The following COL22A1 variants were observed in gnomAD, a reference collection of about 807,000 sequenced individuals.
COL22A1 encodes the protein collagen alpha-1(XXII) chain.
A neutral mutation model predicts 248.9 loss-of-function variants in COL22A1; 221 were observed. That is an observed-to-expected ratio of 0.89 (90% CI 0.80 to 0.99). The LOEUF (loss-of-function observed/expected upper bound fraction) is 0.99, where lower values mean the gene tolerates loss of function less well. Ranked by LOEUF, COL22A1 falls within the 50% of genes least tolerant of loss-of-function variation. COL22A1 has a pLI of 0.00. For synonymous variants in COL22A1, 891 were observed against 793.4 expected, an observed-to-expected ratio of 1.12 and a Z score of -2.07; for missense variants, 2,240 against 2,179.0, an observed-to-expected ratio of 1.03 and a Z score of -0.56.
chr8:138,687,593 C>A (rs1422382681), intron 37 of COL22A1, among the ~76,000 whole-genome samples: 1 of 152,242 alleles, frequency 6.6e-6, no homozygotes, highest in South Asian at 2.1e-4. Flanking sequence ...CTAGTGTGAT[C>A]TGCTCACGCA....
chr8:138,860,744 G>A (rs535526182), intron 3 of COL22A1, among the ~76,000 whole-genome samples: 1 of 152,228 alleles, frequency 6.6e-6, no homozygotes, highest in East Asian at 1.9e-4. Flanking sequence ...GGAGGTCAAA[G>A]CTGCAGTAAG....
chr8:138,823,773 C>CT (rs776344695), intron 6 of COL22A1, among the ~76,000 whole-genome samples: 1 of 152,158 alleles, frequency 6.6e-6, no homozygotes, highest in African/African-American at 2.4e-5. Context: ...TTTTGTTCAC[C>CT]TTTTTTGTCT....
intron 27 of COL22A1, among the ~76,000 whole-genome samples, chr8:138,720,460 A>G (rs1418423141): frequency 1.3e-5 from 2 of 151,904 alleles, no homozygotes; most frequent in Non-Finnish European, 2.9e-5. Context: ...CGTGGGGGAT[A>G]GTGCCTTCTT....
At chr8:138,595,015 C>T (rs1374387722) in intron 62 of COL22A1, among the ~76,000 whole-genome samples, 3 of 152,112 alleles carry the variant, frequency 2.0e-5, no homozygotes, top group African/African-American at 7.2e-5. Context: ...CATCTGGTGG[C>T]CACCAAGGGC....
chr8:138,833,139 T>C lies in COL22A1; in HGVS notation c.745A>G (p.Met249Val). Residue 249 changes from methionine (M) to valine (V), a missense_variant, in exon 5 of 65, where the codon ATG (methionine) becomes GTG (valine). Transcript: ENST00000303045. ...GTKEITGFDL[M>V]DLFSVKEILG... Reference sequence around the variant, plus strand: ...ATTTCCTTCACACTGAACAAATCCATCAGGTCAAAACCTGTACAAAGAGAA... The same window carrying C: ...ATTTCCTTCACACTGAACAAATCCACCAGGTCAAAACCTGTACAAAGAGAA... 1 of 1,611,566 alleles carries C rather than the reference T, an allele frequency of 6.2e-7. No individual in the cohort carries two copies. Among genetic ancestry groups the C allele is most frequent in the Non-Finnish European group, 8.5e-7 (1 of 1,177,584 alleles).
intron 21 of COL22A1, 33 bp downstream of exon 21, chr8:138,755,124 G>C: frequency 6.2e-7 from 1 of 1,611,472 alleles, no homozygotes; most frequent in Non-Finnish European, 8.5e-7. Flanking sequence ...GAAGCGTGCA[G>C]AGCAAACCCT....
In COL22A1 at chr8:138,719,493, A is replaced by G. The variant is rs181806475; in HGVS notation, c.2355+1246T>C. On this transcript the variant is annotated intron_variant, in intron 27 of 64. Transcript: ENST00000303045. ...AGTGGCTCTTGGCAATACTCTTTCC[A>G]CAGTTTGAGTCAACCTGGGTGTGCT... Among the ~76,000 whole-genome samples, 11 of 152,250 alleles carry G rather than the reference A, an allele frequency of 7.2e-5. No individual in the cohort carries two copies. In the East Asian group the frequency reaches 1.9e-3, roughly 27 times the overall value.
chr8:138,597,526 G>C (rs933982453), intron 61 of COL22A1, among the ~76,000 whole-genome samples: 6 of 152,152 alleles, frequency 3.9e-5, no homozygotes, highest in Non-Finnish European at 8.8e-5. Flanking sequence ...TGATGAGTTT[G>C]ACAACCAGAG....
At chr8:138,725,996 C>T (rs1830280230) in intron 23 of COL22A1, among the ~76,000 whole-genome samples, 1 of 152,182 alleles carries the variant, frequency 6.6e-6, no homozygotes, top group Admixed American at 6.5e-5. Context: ...CTATGGAGAT[C>T]AGTCCTCACA....
intron 13 of COL22A1, among the ~76,000 whole-genome samples, chr8:138,780,391 C>T (rs1814854520): frequency 6.6e-6 from 1 of 152,204 alleles, no homozygotes; most frequent in African/African-American, 2.4e-5. Flanking sequence ...GAACGCAGAA[C>T]TAATGTGTAC....
intron 45 of COL22A1, among the ~76,000 whole-genome samples, chr8:138,650,270 G>A (rs1261491950): frequency 6.6e-6 from 1 of 152,188 alleles, no homozygotes; most frequent in Non-Finnish European, 1.5e-5. Flanking sequence ...CAAGGCAACA[G>A]GCACACACCC....
At chr8:138,887,229 G>A (rs958501368) in intron 1 of COL22A1, among the ~76,000 whole-genome samples, 1 of 139,854 alleles carries the variant, frequency 7.2e-6, no homozygotes, top group Non-Finnish European at 1.6e-5. Flanking sequence ...GTCTCTCATT[G>A]TTTTTTTTTT....
intron 63 of COL22A1, 85 bp downstream of exon 63, chr8:138,593,932 A>G: frequency 9.5e-7 from 1 of 1,053,994 alleles, no homozygotes; most frequent in Non-Finnish European, 1.3e-6. Flanking sequence ...GGCATGAATA[A>G]TGCATGCAGT....
intron 3 of COL22A1, among the ~76,000 whole-genome samples, chr8:138,849,308 G>A (rs954094846): frequency 2.0e-5 from 3 of 152,192 alleles, no homozygotes; most frequent in Non-Finnish European, 4.4e-5. Flanking sequence ...ACATGTAGGT[G>A]GCTTGCTGTG....
intron 4 of COL22A1, among the ~76,000 whole-genome samples, chr8:138,833,736 G>A (rs948419768): frequency 5.3e-5 from 8 of 152,152 alleles, no homozygotes; most frequent in African/African-American, 1.9e-4. Flanking sequence ...TTCCCTCTAA[G>A]AGAGGACCTT....
chr8:138,821,542 T>G, intron 6 of COL22A1, 131 bp from the exon 7 acceptor site: 2 of 889,262 alleles, frequency 2.2e-6, no homozygotes, highest in Non-Finnish European at 3.5e-6. Context: ...TACCAGCTGG[T>G]CACCTGCCAC....
chr8:138,722,351 C>T (rs905927991), intron 25 of COL22A1, among the ~76,000 whole-genome samples: 2 of 152,088 alleles, frequency 1.3e-5, no homozygotes, highest in Non-Finnish European at 2.9e-5. Flanking sequence ...AGGGTGGGGG[C>T]GTGGGAGGAC....
chr8:138,622,817 C>G (rs1819914084), intron 52 of COL22A1, among the ~76,000 whole-genome samples: 1 of 152,018 alleles, frequency 6.6e-6, no homozygotes, highest in Non-Finnish European at 1.5e-5. Context: ...TCTGACAGCC[C>G]TTGGTATTCT....
chr8:138,825,544 T>C (rs1204623732), intron 6 of COL22A1, among the ~76,000 whole-genome samples: 1 of 152,162 alleles, frequency 6.6e-6, no homozygotes, highest in East Asian at 1.9e-4. Context: ...CTAAATGAAT[T>C]AGTATTTGTA....
Sources: allele counts gnomAD v4.1 joint callset (sites outside exome capture counted in the v4.1 genomes callset), GRCh38; gene constraint gnomAD v4.1.1; transcripts MANE v1.5; gene names NCBI Gene and HGNC (gene_info 2026-07-23, HGNC 2026-07-21).